The following TXNDC9 variants were observed in gnomAD, a reference collection of about 807,000 sequenced individuals.
TXNDC9 encodes thioredoxin domain-containing protein 9.
Under a neutral mutation model 23.0 loss-of-function variants are expected in TXNDC9, and 7 were observed. That is an observed-to-expected ratio of 0.30 (90% CI 0.17 to 0.57). The LOEUF is 0.57. Ranked by LOEUF, TXNDC9 falls within the 20% of genes least tolerant of loss-of-function variation. The probability of loss-of-function intolerance (pLI) is 0.90; values close to 1 mark genes in which losing one functional copy is unlikely to be tolerated. For synonymous variants in TXNDC9, 72 were observed against 90.6 expected, an observed-to-expected ratio of 0.79 and a Z score of 1.17; for missense variants, 198 against 252.6, an observed-to-expected ratio of 0.78 and a Z score of 1.47.
chr2:99,320,789 T>A (rs1412266167), intron 4 of TXNDC9, among the ~76,000 whole-genome samples: 1 of 152,206 alleles, frequency 6.6e-6, no homozygotes, highest in African/African-American at 2.4e-5. Flanking sequence ...GTTCCCAAAA[T>A]ACTTCATAGT....
At chr2:99,310,093 A>G in the TXNDC9 span, among the ~76,000 whole-genome samples, 1 of 152,230 alleles carries the variant, frequency 6.6e-6, no homozygotes, top group Non-Finnish European at 1.5e-5. Context: ...ATATTTGTGA[A>G]AGATCATGAC....
chr2:99,326,272 C>A (rs967615540), intron 3 of TXNDC9, among the ~76,000 whole-genome samples: 6 of 152,104 alleles, frequency 3.9e-5, no homozygotes, highest in Non-Finnish European at 1.5e-5. Context: ...TCAATGAATA[C>A]CAGGCAATCA....
chr2:99,322,487 A>G (rs1448539574), intron 3 of TXNDC9: 2 of 1,392,098 alleles, frequency 1.4e-6, no homozygotes, highest in African/African-American at 2.9e-5. Flanking sequence ...TCATAAAGGA[A>G]GTTGTCCTAT....
Position 99,322,083 on chromosome 2 carries a change from T to C in TXNDC9, c.435A>G (p.Thr145=). 1 of 1,614,180 alleles carries C rather than the reference T, an allele frequency of 6.2e-7. No individual in the cohort carries two copies. Among genetic ancestry groups the C allele is most frequent in the South Asian group, 1.1e-5 (1 of 91,086 alleles). ...CERLHIKVIP[T]LALLKDGKTQ... is the part of the protein sequence containing the mutation. ...TTTTCCCATCTTTTAGCAGTGCTAG[T>C]GTGGGAATGACTTTGATATGCAGTC... The change falls in exon 4 of 5, where the codon ACA becomes ACG. Residue 145 remains threonine, a synonymous_variant. Coordinates refer to ENST00000264255, the MANE Select transcript of TXNDC9 (RefSeq NM_005783.4).
chr2:99,306,798 G>C, the TXNDC9 span: 1 of 454,384 alleles, frequency 2.2e-6, no homozygotes, highest in East Asian at 7.0e-5. Context: ...GTGTAGTAAA[G>C]AAAGTTTTTT....
At chr2:99,314,105 G>A (rs113354112), downstream of TXNDC9, among the ~76,000 whole-genome samples, 17 of 152,162 alleles carry the variant, frequency 1.1e-4, no homozygotes, top group African/African-American at 3.9e-4. Flanking sequence ...TGATTGCTCT[G>A]CGGAATTTCT....
chr2:99,336,097 T>C, intron 1 of TXNDC9, 142 bp downstream of exon 1: 1 of 733,656 alleles, frequency 1.4e-6, no homozygotes, highest in Non-Finnish European at 1.7e-6. Context: ...CGCCTCCTGG[T>C]GCGCTTGCGC....
At position 99,333,129 on chromosome 2, in the gene TXNDC9, G is replaced by A; in HGVS notation, c.82C>T (p.His28Tyr). Reference sequence around the variant, plus strand: ...AGTTTTTGAATTTCAGAATCCAAATGTTCTTCCACCAGTTTGGTAGTCTGA... The same window carrying A: ...AGTTTTTGAATTTCAGAATCCAAATATTCTTCCACCAGTTTGGTAGTCTGA... ...LLQTTKLVEE[H>Y]LDSEIQKLDQ... The change falls in exon 2 of 5, where the codon CAT becomes TAT. Residue 28 changes from histidine to tyrosine, a missense_variant. By Grantham distance (83) the His-to-Tyr change is moderately conservative. Transcript: ENST00000264255. The A allele has an allele frequency of 6.2e-7, 1 of 1,614,092 alleles. No homozygotes were observed. The highest frequency in any genetic ancestry group is 8.5e-7 in the Non-Finnish European group (1 of 1,180,004).
At chr2:99,308,160 C>T in the TXNDC9 span, among the ~76,000 whole-genome samples, 10 of 152,038 alleles carry the variant, frequency 6.6e-5, no homozygotes, top group Middle Eastern at 3.4e-3. Context: ...CTCTCAAAAA[C>T]GCAAATGGGA....
At chr2:99,312,898 C>T in the TXNDC9 span, among the ~76,000 whole-genome samples, 4 of 151,966 alleles carry the variant, frequency 2.6e-5, no homozygotes, top group Non-Finnish European at 5.9e-5. Flanking sequence ...CACGGTGGCT[C>T]ATGCCTGTAA....
intron 3 of TXNDC9, among the ~76,000 whole-genome samples, chr2:99,327,010 T>C (rs2094213943): frequency 6.6e-6 from 1 of 152,214 alleles, no homozygotes; most frequent in African/African-American, 2.4e-5. Flanking sequence ...CTTTCAGTAA[T>C]ATTCATTTAT....
At chr2:99,322,776 T>G (rs1314347386) in intron 3 of TXNDC9, 2 of 1,321,728 alleles carry the variant, frequency 1.5e-6, no homozygotes, top group Non-Finnish European at 2.0e-6. Context: ...TTTTTATTTT[T>G]TTGGAGGTGG....
chr2:99,312,740 G>C, the TXNDC9 span, among the ~76,000 whole-genome samples: 1 of 152,186 alleles, frequency 6.6e-6, no homozygotes, highest in South Asian at 2.1e-4. Context: ...AATCTTGAAA[G>C]AAGTTATCTG....
chr2:99,335,805 G>C (rs566786759), intron 1 of TXNDC9, among the ~76,000 whole-genome samples: 16 of 140,846 alleles, frequency 1.1e-4, no homozygotes, highest in Admixed American at 4.2e-4. Flanking sequence ...TCAGAGCATT[G>C]AGAATGGGGT....
the TXNDC9 span, among the ~76,000 whole-genome samples, chr2:99,308,981 C>T: frequency 2.6e-5 from 4 of 151,390 alleles, no homozygotes; most frequent in Non-Finnish European, 5.9e-5. Flanking sequence ...GGATTACAGG[C>T]GTAAGCAGCC....
the TXNDC9 span, among the ~76,000 whole-genome samples, chr2:99,306,306 C>A: frequency 6.6e-6 from 1 of 152,154 alleles, no homozygotes; most frequent in Non-Finnish European, 1.5e-5. Flanking sequence ...GACTTTGAGA[C>A]AAGTGTGAAC....
chr2:99,336,282 C>G lies in TXNDC9; in HGVS notation c.-76G>C, dbSNP rs1334270051. On this transcript the variant is annotated 5_prime_UTR_variant, in exon 1 of 5. Transcript: ENST00000264255. ...CTGAGAAGTGAAAGAGCAGCAGTTTCAAAAGACACGTCCACTCCGGCTTTT... is the reference window on the plus strand; with the variant it reads ...CTGAGAAGTGAAAGAGCAGCAGTTTGAAAAGACACGTCCACTCCGGCTTTT... The G allele has an allele frequency of 5.1e-6, 5 of 985,392 alleles. No homozygotes were observed. Among genetic ancestry groups the G allele is most frequent in the Non-Finnish European group, 6.0e-6 (5 of 829,984 alleles). The allele number at this position is 985,392 out of a possible 1,614,324, so 61.0% of individuals were successfully genotyped here.
chr2:99,333,672 A>G (rs999854139), intron 1 of TXNDC9, among the ~76,000 whole-genome samples: 5 of 152,240 alleles, frequency 3.3e-5, no homozygotes, highest in Non-Finnish European at 4.4e-5. Context: ...ACATAAATAT[A>G]TATATTAAAC....
At chr2:99,308,806 G>C in the TXNDC9 span, among the ~76,000 whole-genome samples, 15 of 151,950 alleles carry the variant, frequency 9.9e-5, no homozygotes, top group Non-Finnish European at 2.2e-4. Context: ...CCGCCTCCCG[G>C]GTTCATGCCA....
Sources: gnomAD v4.1 joint callset for allele counts (sites outside exome capture counted in the v4.1 genomes callset) on GRCh38, gnomAD v4.1.1 for gene constraint, MANE v1.5 for transcripts, NCBI Gene and HGNC (gene_info 2026-07-23, HGNC 2026-07-21) for gene names.